NUP214: variants seen among roughly 807,000 people sequenced by gnomAD.
NUP214 encodes the protein nucleoporin 214, also known as nuclear pore complex protein Nup214.
In NUP214, 79 loss-of-function variants were observed where a neutral mutation model predicts 196.2. The observed-to-expected ratio is 0.40, with a 90% CI of 0.34 to 0.49. The LOEUF (loss-of-function observed/expected upper bound fraction) is 0.49, where lower values mean the gene tolerates loss of function less well. Among genes scored for constraint, NUP214 ranks in the 20% least tolerant of loss-of-function variants. The probability of loss-of-function intolerance (pLI) is 0.58; values close to 1 mark genes in which losing one functional copy is unlikely to be tolerated. For synonymous variants in NUP214, 1,020 were observed against 990.5 expected, an observed-to-expected ratio of 1.03 and a Z score of -0.56; for missense variants, 2,468 against 2,539.0, an observed-to-expected ratio of 0.97 and a Z score of 0.60.
chr9:131,130,770 C>T lies in NUP214; in HGVS notation c.597C>T (p.Cys199=). The change falls in exon 5 of 36, where the codon TGC becomes TGT. Residue 199 remains cysteine (C), a synonymous_variant. Transcript: ENST00000359428. ...LPSTVAVTSV[C]WSPKGKQLAV... is the part of the protein sequence containing the mutation. Reference sequence around the variant, plus strand: ...GGTAATACTGTCTTTGCTCAGTGTGCTGGAGCCCCAAAGGAAAGCAGCTGG... The same window carrying T: ...GGTAATACTGTCTTTGCTCAGTGTGTTGGAGCCCCAAAGGAAAGCAGCTGG... 1 of 1,614,006 alleles carries T rather than the reference C, an allele frequency of 6.2e-7. No homozygotes were observed. The highest frequency in any genetic ancestry group is 8.5e-7 in the Non-Finnish European group (1 of 1,179,906).
At chr9:131,217,596 A>G (rs1834440408) in intron 31 of NUP214, among the ~76,000 whole-genome samples, 1 of 152,250 alleles carries the variant, frequency 6.6e-6, no homozygotes, top group Non-Finnish European at 1.5e-5. Context: ...TCACAGAGCC[A>G]GAAAGTCACA....
intron 21 of NUP214, among the ~76,000 whole-genome samples, chr9:131,168,040 C>A (rs1160256546): frequency 6.6e-6 from 1 of 152,098 alleles, no homozygotes; most frequent in Non-Finnish European, 1.5e-5. Flanking sequence ...ACAGGCCAGG[C>A]CACCATGCCC....
At position 131,174,066 on chromosome 9, in the gene NUP214, C is replaced by T. The variant is rs868083447; in HGVS notation, c.2905C>T (p.Arg969Ter). ...VRSTAPASLS[R>*]SAFLSQRYYE... ...TGGGGCTTTTGTAGCCAGCCTGTCTCGATCAGCCTTTCTGTCTCAGAGATA... is the reference window on the plus strand; with the variant it reads ...TGGGGCTTTTGTAGCCAGCCTGTCTTGATCAGCCTTTCTGTCTCAGAGATA... The change falls in exon 22 of 36, where the codon CGA becomes TGA. Residue 969 changes from arginine (R) to a stop codon, truncating the protein, a stop_gained. Coordinates refer to ENST00000359428, the MANE Select transcript of NUP214 (RefSeq NM_005085.4). LOFTEE classifies it high-confidence loss of function. The T allele has an allele frequency of 3.7e-6, 6 of 1,612,642 alleles. No individual in the cohort carries two copies. The highest frequency in any genetic ancestry group is 1.7e-5 in the Admixed American group (1 of 59,730).
rs1004830828 is a variant in NUP214, at chr9:131,200,949, A to G, written c.5522-698A>G. 6.6e-5 allele frequency among the ~76,000 whole-genome samples: 10 copies of G among 151,908 alleles called. No individual in the cohort carries two copies. The East Asian group carries it at 1.9e-3, about 29-fold the overall frequency. The stretch of plus-strand genomic sequence containing the variant: ...AAGTCATTAGAAAGAATTTCTGGTC[A>G]CTGAAAGTGAGGATAAACTATTCTT... On this transcript the variant is annotated intron_variant, in intron 29 of 35. Transcript: ENST00000359428.
intron 14 of NUP214, among the ~76,000 whole-genome samples, chr9:131,149,686 A>C (rs1174162431): frequency 6.6e-6 from 1 of 151,748 alleles, no homozygotes; most frequent in Non-Finnish European, 1.5e-5. Flanking sequence ...GGAGATTTAA[A>C]CTCTTGTAAA....
In NUP214 at chr9:131,146,442, GTGC is replaced by G; in HGVS notation, c.1945+141_1945+143del. ...CCTGTATCATACATTAATGATTAAT[GTGC>G]TGTGATTTTCATACTCTGAATTGGG... On this transcript the variant is annotated intron_variant, in intron 13 of 35. Coordinates refer to ENST00000359428, the MANE Select transcript of NUP214 (RefSeq NM_005085.4). This position sits in a 1 kb window ranked among gnomAD's most constrained non-coding sequence, Gnocchi z 4.6. The G allele has an allele frequency of 1.2e-6, 1 of 848,310 alleles. No homozygotes were observed. The highest frequency in any genetic ancestry group is 1.8e-6 in the Non-Finnish European group (1 of 543,152). 52.5% of individuals were successfully genotyped at this position (848,310 alleles called of 1,614,324 possible).
chr9:131,151,333 A>C (rs188074628), intron 16 of NUP214, among the ~76,000 whole-genome samples: 3 of 152,218 alleles, frequency 2.0e-5, no homozygotes, highest in African/African-American at 7.2e-5. Flanking sequence ...GGCTTAGGCA[A>C]ATTTGTCAAA....
At position 131,147,628 on chromosome 9, in the gene NUP214, C is replaced by T. The variant is rs921383510; in HGVS notation, c.2040+44C>T. On this transcript the variant is annotated intron_variant, in intron 14 of 35. Transcript: ENST00000359428. ...TGCAATGTTTGTGTTTATTAATTTA[C>T]TGCCCCAAGCATACCTATGAATAAA... 2.2e-6 allele frequency: 3 copies of T among 1,337,170 alleles called. No individual in the cohort carries two copies. In the African/African-American group the frequency reaches 4.3e-5, roughly 19 times the overall value. 82.8% of individuals were successfully genotyped at this position (1,337,170 alleles called of 1,614,324 possible). A position where few individuals can be genotyped will look rare whatever the true frequency, so the allele number is the denominator to read the frequency against.
At chr9:131,157,707 A>G (rs532835323) in intron 17 of NUP214, among the ~76,000 whole-genome samples, 25 of 151,056 alleles carry the variant, frequency 1.7e-4, no homozygotes, top group South Asian at 6.3e-4. Flanking sequence ...GTGCAGTGGC[A>G]TGATCTCAGC....
intron 10 of NUP214, among the ~76,000 whole-genome samples, chr9:131,140,264 A>T (rs1831866808): frequency 6.6e-6 from 1 of 152,158 alleles, no homozygotes; most frequent in African/African-American, 2.4e-5. Flanking sequence ...CCACTGAGAC[A>T]CTCATAAAAA....
At chr9:131,148,016 G>A (rs564927249) in intron 14 of NUP214, among the ~76,000 whole-genome samples, 24 of 152,328 alleles carry the variant, frequency 1.6e-4, no homozygotes, top group African/African-American at 4.8e-4. Flanking sequence ...GTGAAACCCC[G>A]TCTCTACTAA....
chr9:131,169,443 G>A (rs974184127), intron 21 of NUP214, among the ~76,000 whole-genome samples: 3 of 152,148 alleles, frequency 2.0e-5, no homozygotes, highest in Non-Finnish European at 4.4e-5. Context: ...CCAAGAGTTC[G>A]AGGCCAGCCT....
intron 34 of NUP214, 58 bp downstream of exon 34, chr9:131,230,827 C>G (rs573787426): frequency 4.5e-6 from 7 of 1,560,686 alleles, no homozygotes; most frequent in East Asian, 4.6e-5. Flanking sequence ...GCCTTCTCCC[C>G]CAAAGAAATG....
At chr9:131,217,574 A>G (rs532870634) in intron 31 of NUP214, among the ~76,000 whole-genome samples, 1 of 152,344 alleles carries the variant, frequency 6.6e-6, no homozygotes, top group Non-Finnish European at 1.5e-5. Flanking sequence ...AAACAAGCCC[A>G]GAATTCTGAG....
intron 28 of NUP214, 125 bp from the exon 29 acceptor site, chr9:131,197,091 G>A: frequency 7.4e-7 from 1 of 1,352,158 alleles, no homozygotes; most frequent in Non-Finnish European, 1.0e-6. Context: ...GCTGCTGTGA[G>A]AACAAGGCAC....
At chr9:131,211,085 A>C (rs530861647) in intron 30 of NUP214, among the ~76,000 whole-genome samples, 18 of 152,332 alleles carry the variant, frequency 1.2e-4, no homozygotes, top group African/African-American at 4.3e-4. Context: ...TGTTCAAATT[A>C]ATTTAATCAT....
At chr9:131,131,981 G>A (rs1048418096) in intron 5 of NUP214, among the ~76,000 whole-genome samples, 3 of 151,968 alleles carry the variant, frequency 2.0e-5, no homozygotes, top group East Asian at 1.9e-4. Context: ...GAGCCACCTC[G>A]CCCAGCCTTA....
At chr9:131,147,039 C>T (rs1351864137) in intron 13 of NUP214, among the ~76,000 whole-genome samples, 1 of 152,034 alleles carries the variant, frequency 6.6e-6, no homozygotes, top group Non-Finnish European at 1.5e-5. Flanking sequence ...GAGACCCTCT[C>T]ACTCTCTCAC....
At chr9:131,176,234 C>A (rs1397831476) in intron 23 of NUP214, among the ~76,000 whole-genome samples, 2 of 152,130 alleles carry the variant, frequency 1.3e-5, no homozygotes, top group Non-Finnish European at 2.9e-5. Flanking sequence ...TGAAGGTTAT[C>A]CCACCAATAA....
Sources: gnomAD v4.1 joint callset for allele counts (sites outside exome capture counted in the v4.1 genomes callset) on GRCh38, gnomAD v4.1.1 for gene constraint, Gnocchi (gnomAD v3.1) non-coding constraint, MANE v1.5 for transcripts, NCBI Gene and HGNC (gene_info 2026-07-23, HGNC 2026-07-21) for gene names.